INTS2: variants seen among roughly 807,000 people sequenced by gnomAD.
INTS2 encodes integrator complex subunit 2.
In INTS2, 57 loss-of-function variants were observed where a neutral mutation model predicts 139.6. That is an observed-to-expected ratio of 0.41 (90% CI 0.33 to 0.51). INTS2 has a LOEUF of 0.51. INTS2 is among the 20% of genes least tolerant of loss of function. INTS2 has a pLI of 0.28. For synonymous variants in INTS2, 473 were observed against 493.4 expected, an observed-to-expected ratio of 0.96 and a Z score of 0.55; for missense variants, 1,196 against 1,436.7, an observed-to-expected ratio of 0.83 and a Z score of 2.71.
At chr17:61,925,749 G>A (rs1181290707) in intron 2 of INTS2, among the ~76,000 whole-genome samples, 1 of 151,814 alleles carries the variant, frequency 6.6e-6, no homozygotes, top group Non-Finnish European at 1.5e-5. Context: ...AAGAGGCTGG[G>A]CCCAGTGGCT....
chr17:61,898,675 G>A lies in INTS2; in HGVS notation c.1308-936C>T, dbSNP rs9900418. On this transcript the variant is annotated intron_variant, in intron 9 of 24. Coordinates refer to ENST00000251334, the MANE Select transcript of INTS2 (RefSeq NM_001351695.2). ...GTTGCTCAGGCTGGAGTGCAGCAGC[G>A]CAATCTCAGCTCACTGCAACCTCCG... 2.6e-5 allele frequency among the ~76,000 whole-genome samples: 4 copies of A among 152,198 alleles called. No homozygotes were observed. In the East Asian group the frequency reaches 5.8e-4, roughly 22 times the overall value.
rs1292630677 is a variant in INTS2 at position 61,870,669 on chromosome 17, T to TA, written c.2779-682dup. Among the ~76,000 whole-genome samples, 1 of 152,228 alleles carries TA rather than the reference T, an allele frequency of 6.6e-6. No homozygotes were observed. The highest frequency in any genetic ancestry group is 1.5e-5 in the Non-Finnish European group (1 of 68,042). ...ATGAATACATGACATCCACCTCTGA[T>TA]AGACAGCTACTGCCTAAGGTAGAGA... On this transcript the variant is annotated intron_variant, in intron 20 of 24. Transcript: ENST00000251334. This position sits in a 1 kb window ranked among gnomAD's most constrained non-coding sequence, Gnocchi z 4.4.
intron 19 of INTS2, chr17:61,874,004 C>G (rs1170990813): frequency 6.6e-6 from 1 of 152,152 alleles, no homozygotes; most frequent in African/African-American, 2.4e-5. Flanking sequence ...CTCAAAGTAC[C>G]TTCCTTGACT....
chr17:61,897,705 G>C lies in INTS2; in HGVS notation c.1342C>G (p.Leu448Val). ...GCTTCTTCTTTTATCATCCAACTTA[G>C]CCACACCACCATCAGCTGCTCCTGT... is the stretch of plus-strand genomic sequence containing the variant. ...PEQEQLMVVW[L>V]SWMIKEEAYF... The change falls in exon 10 of 25, where the codon CTA becomes GTA. Residue 448 changes from leucine (L) to valine (V), a missense_variant. Physicochemically the swap from Leu to Val is conservative, Grantham distance 32. This residue lies in a region of INTS2 where 1,129 missense variants were observed against 1,341.9 expected (regional missense o/e 0.84). Transcript: ENST00000251334. This position sits in a 1 kb window ranked among gnomAD's most constrained non-coding sequence, Gnocchi z 4.4. 6.2e-7 allele frequency: 1 copy of C among 1,608,618 alleles called. No individual in the cohort carries two copies. The highest frequency in any genetic ancestry group is 8.5e-7 in the Non-Finnish European group (1 of 1,177,292).
chr17:61,891,966 C>T (rs2079299482), intron 13 of INTS2, among the ~76,000 whole-genome samples: 1 of 152,038 alleles, frequency 6.6e-6, no homozygotes, highest in Non-Finnish European at 1.5e-5. Flanking sequence ...CATTTTAAGT[C>T]CCTACCATAT....
chr17:61,878,302 C>A (rs915155652), intron 17 of INTS2, among the ~76,000 whole-genome samples: 1 of 152,154 alleles, frequency 6.6e-6, no homozygotes, highest in Non-Finnish European at 1.5e-5. Context: ...GTGGCTCACA[C>A]CTGTAATCCC....
chr17:61,888,086 C>G (rs1391850950), intron 15 of INTS2, among the ~76,000 whole-genome samples: 1 of 149,764 alleles, frequency 6.7e-6, no homozygotes, highest in African/African-American at 2.5e-5. Flanking sequence ...AAACTACACA[C>G]AAAGGTCAGG....
intron 17 of INTS2, among the ~76,000 whole-genome samples, chr17:61,879,533 T>A (rs1414066250): frequency 6.6e-6 from 1 of 152,168 alleles, no homozygotes; most frequent in Non-Finnish European, 1.5e-5. Context: ...CTCATTAAAA[T>A]TTTAATATTG....
intron 9 of INTS2, 99 bp downstream of exon 9, chr17:61,904,361 A>C (rs2079439233): frequency 1.2e-6 from 1 of 845,562 alleles, no homozygotes; most frequent in Non-Finnish European, 1.8e-6. Context: ...CCATACCTAG[A>C]CCAGCTTTTG....
chr17:61,897,432 CCTT>C lies in INTS2; in HGVS notation c.1494+34_1494+36del. The C allele has an allele frequency of 8.1e-7, 1 of 1,233,582 alleles. No individual in the cohort carries two copies. Among genetic ancestry groups the C allele is most frequent in the Non-Finnish European group, 1.1e-6 (1 of 881,470 alleles). 76.4% of individuals were successfully genotyped at this position (1,233,582 alleles called of 1,614,324 possible). ...CAACAAAATGTCCAGCTTAGAAACA[CCTT>C]TTTTTTTTTAGAAAGAAGTTAAAAG... On this transcript the variant is annotated intron_variant, in intron 11 of 24. Coordinates refer to ENST00000251334, the MANE Select transcript of INTS2 (RefSeq NM_001351695.2). The surrounding 1 kb of genome is among the most constrained non-coding windows in gnomAD (Gnocchi z 4.4).
intron 12 of INTS2, among the ~76,000 whole-genome samples, chr17:61,895,045 C>A (rs902903825): frequency 2.6e-5 from 4 of 152,022 alleles, no homozygotes; most frequent in Non-Finnish European, 4.4e-5. Context: ...AGATGCCCTA[C>A]CAGCAACATC....
intron 3 of INTS2, among the ~76,000 whole-genome samples, chr17:61,922,645 A>C (rs1252224178): frequency 2.6e-5 from 4 of 151,260 alleles, no homozygotes; most frequent in African/African-American, 9.7e-5. Context: ...ATAGTTTCAT[A>C]ACCATATTTC....
intron 9 of INTS2, among the ~76,000 whole-genome samples, chr17:61,901,102 C>G (rs900599687): frequency 6.6e-6 from 1 of 151,774 alleles, no homozygotes; most frequent in African/African-American, 2.4e-5. Context: ...AAAGTGAGAC[C>G]CCATCCCTAC....
intron 15 of INTS2, among the ~76,000 whole-genome samples, chr17:61,886,855 G>A (rs1021855143): frequency 1.3e-5 from 2 of 152,174 alleles, no homozygotes; most frequent in Non-Finnish European, 2.9e-5. Context: ...GTATGTAAGT[G>A]CAAGTGTTAG....
intron 9 of INTS2, among the ~76,000 whole-genome samples, chr17:61,898,748 G>C (rs1567904790): frequency 6.6e-6 from 1 of 152,094 alleles, no homozygotes; most frequent in Non-Finnish European, 1.5e-5. Flanking sequence ...CGAATAGCTG[G>C]GATTACAGGT....
In INTS2 at chr17:61,897,555, C is replaced by A; in HGVS notation, c.1408G>T (p.Glu470Ter). 2 of 1,602,926 alleles carry A rather than the reference C, an allele frequency of 1.2e-6. No homozygotes were observed. Among genetic ancestry groups the A allele is most frequent in the Non-Finnish European group, 1.7e-6 (2 of 1,174,474 alleles). The change falls in exon 11 of 25, where the codon GAG becomes TAG. Residue 470 changes from glutamate (E) to a stop codon, truncating the protein, a stop_gained. Transcript: ENST00000251334. LOFTEE classifies it high-confidence loss of function. The surrounding 1 kb of genome is among the most constrained non-coding windows in gnomAD (Gnocchi z 4.4). ...TACATAGCCACCAATAATAACATCT[C>A]CCCAAAAGAAGCAGAGACGCCTGAA... The part of the protein sequence containing the change: ...STSGVSASFG[E>*]MLLLVAMYFH...
At position 61,893,747 on chromosome 17, in the gene INTS2, T is replaced by C; in HGVS notation, c.1698+18A>G. The C allele has an allele frequency of 6.5e-7, 1 of 1,531,952 alleles. No individual in the cohort carries two copies. Among genetic ancestry groups the C allele is most frequent in the Non-Finnish European group, 8.8e-7 (1 of 1,138,894 alleles). The allele number at this position is 1,531,952 out of a possible 1,614,324, so 94.9% of individuals were successfully genotyped here. On this transcript the variant is annotated intron_variant, in intron 13 of 24. Coordinates refer to ENST00000251334, the MANE Select transcript of INTS2 (RefSeq NM_001351695.2). This position sits in a 1 kb window ranked among gnomAD's most constrained non-coding sequence, Gnocchi z 5.4. ...TGTAGGGGCATGCTTTTATTTTGTT[T>C]TATTTGTAGGGGCATACTTTTATTG...
intron 14 of INTS2, among the ~76,000 whole-genome samples, chr17:61,890,210 T>C (rs527816397): frequency 5.6e-4 from 86 of 152,262 alleles, no homozygotes; most frequent in African/African-American, 2.0e-3. Flanking sequence ...GAAATTACCA[T>C]GAAAAAAGTA....
intron 9 of INTS2, among the ~76,000 whole-genome samples, chr17:61,903,513 C>T (rs2143057178): frequency 6.6e-6 from 1 of 151,984 alleles, no homozygotes; most frequent in East Asian, 1.9e-4. Context: ...GAAGAAATCT[C>T]CTCAAGAAGA....
Sources: gnomAD v4.1 joint callset for allele counts (sites outside exome capture counted in the v4.1 genomes callset) on GRCh38, gnomAD v4.1.1 for gene constraint, gnomAD v4.1.1 regional missense constraint, Gnocchi (gnomAD v3.1) non-coding constraint, MANE v1.5 for transcripts, NCBI Gene and HGNC (gene_info 2026-07-23, HGNC 2026-07-21) for gene names.